KAZN: variants seen among roughly 807,000 people sequenced by gnomAD.
KAZN encodes kazrin.
KAZN carries 40 observed loss-of-function variants against 87.4 expected under a neutral mutation model. The ratio of observed to expected loss-of-function variants is 0.46; its 90% CI spans 0.36 to 0.60. The LOEUF (loss-of-function observed/expected upper bound fraction) is 0.60. KAZN is among the 20% of genes least tolerant of loss of function. KAZN has a pLI of 0.00. For synonymous variants in KAZN, 466 were observed against 458.3 expected (o/e 1.02, Z -0.22); for missense variants, 898 against 1,073.9 (o/e 0.84, Z 2.29).
intron 1 of KAZN, among the ~76,000 whole-genome samples, chr1:14,119,921 G>A (rs964405145): frequency 3.4e-5 from 5 of 146,050 alleles, no homozygotes; most frequent in East Asian, 2.1e-4. Flanking sequence ...TTATGTGTAC[G>A]ATCTATTTGG....
chr1:14,876,036 T>G (rs188206367), intron 1 of KAZN, among the ~76,000 whole-genome samples: 1 of 152,254 alleles, frequency 6.6e-6, no homozygotes, highest in African/African-American at 2.4e-5. Flanking sequence ...ATGGAGAGAT[T>G]AAAAGCAGTT....
intron 2 of KAZN, among the ~76,000 whole-genome samples, chr1:14,453,016 C>T (rs190686792): frequency 1.3e-3 from 191 of 152,164 alleles, no homozygotes; most frequent in African/African-American, 4.1e-3. Flanking sequence ...AGTGCAGTGG[C>T]GCAATCTCGG....
chr1:14,095,986 T>A (rs919099722), intron 1 of KAZN, among the ~76,000 whole-genome samples: 5 of 152,162 alleles, frequency 3.3e-5, no homozygotes, highest in Admixed American at 2.6e-4. Flanking sequence ...TCTGAAAGGA[T>A]GCATATCAAT....
At chr1:15,071,155 A>AAAG (rs1286094303) in intron 8 of KAZN, among the ~76,000 whole-genome samples, 2 of 152,376 alleles carry the variant, frequency 1.3e-5, no homozygotes, top group African/African-American at 4.8e-5. Context: ...TTTAAATATC[A>AAAG]AAGTTATGGC....
At chr1:13,966,922 A>G (rs187814750) in intron 1 of KAZN, among the ~76,000 whole-genome samples, 1 of 152,286 alleles carries the variant, frequency 6.6e-6, no homozygotes, top group East Asian at 1.9e-4. Flanking sequence ...ATGGTTTACC[A>G]TACAGTACTA....
intron 1 of KAZN, among the ~76,000 whole-genome samples, chr1:14,149,081 T>G (rs1325884729): frequency 8.3e-6 from 1 of 120,744 alleles, no homozygotes; most frequent in African/African-American, 3.3e-5. Flanking sequence ...CTTCCTTCCT[T>G]CCTTCCTTCC....
chr1:15,048,754 G>A (rs948147668), intron 4 of KAZN, among the ~76,000 whole-genome samples: 2 of 147,812 alleles, frequency 1.4e-5, no homozygotes, highest in African/African-American at 2.6e-5. Flanking sequence ...CTGGGTCGTC[G>A]ATCCTGGGTC....
chr1:14,386,714 T>TTTAC (rs1661931019), intron 2 of KAZN, among the ~76,000 whole-genome samples: 1 of 152,094 alleles, frequency 6.6e-6, no homozygotes, highest in African/African-American at 2.4e-5. Flanking sequence ...CCTTTGAGGG[T>TTTAC]AACATGACCT....
chr1:14,937,047 C>T (rs1006066425), intron 1 of KAZN, among the ~76,000 whole-genome samples: 1 of 152,256 alleles, frequency 6.6e-6, no homozygotes. Context: ...GGCCCCCAAC[C>T]TTTCTGTGAG....
intron 1 of KAZN, among the ~76,000 whole-genome samples, chr1:14,805,401 G>T (rs1049000856): frequency 2.6e-5 from 4 of 152,162 alleles, no homozygotes; most frequent in African/African-American, 9.7e-5. Context: ...AGCTCCACCA[G>T]TCGTTTTCCA....
chr1:13,941,152 A>C (rs991503488), intron 1 of KAZN, among the ~76,000 whole-genome samples: 1 of 152,098 alleles, frequency 6.6e-6, no homozygotes, highest in Non-Finnish European at 1.5e-5. Flanking sequence ...CCAAGATCGC[A>C]CCACTGCACT....
intron 1 of KAZN, among the ~76,000 whole-genome samples, chr1:14,632,826 C>T (rs551425010): frequency 2.0e-5 from 3 of 152,172 alleles, no homozygotes; most frequent in South Asian, 2.1e-4. Context: ...AGGTGTGGAC[C>T]GTGGCGTGAC....
intron 1 of KAZN, among the ~76,000 whole-genome samples, chr1:14,920,311 C>T (rs1440193887): frequency 7.9e-6 from 1 of 126,594 alleles, no homozygotes; most frequent in African/African-American, 2.9e-5. Flanking sequence ...GGCGCCCTGT[C>T]CAGCCTGAGG....
At chr1:14,549,594 G>A (rs575473789) in intron 2 of KAZN, among the ~76,000 whole-genome samples, 18 of 150,730 alleles carry the variant, frequency 1.2e-4, no homozygotes, top group Non-Finnish European at 2.5e-4. Flanking sequence ...ACTGTGGTTA[G>A]GAGTTCTCCA....
At position 14,186,880 on chromosome 1, in the gene KAZN, C is replaced by T. The variant is rs1335639252; in HGVS notation, c.249+6288C>T. Among the ~76,000 whole-genome samples the T allele has an allele frequency of 3.3e-5, 5 of 152,106 alleles. No individual in the cohort carries two copies. In the South Asian group the frequency reaches 1.0e-3, roughly 32 times the overall value. On this transcript the variant is annotated intron_variant, in intron 2 of 16. Coordinates refer to the KAZN transcript ENST00000636203. ...AACTTTACCCCTAACTCTCCTCCCC[C>T]ACCAGAGGGGTTCAGGATTAGATGG...
chr1:14,056,097 C>G (rs1557438432), intron 1 of KAZN, among the ~76,000 whole-genome samples: 1 of 152,224 alleles, frequency 6.6e-6, no homozygotes, highest in Non-Finnish European at 1.5e-5. Flanking sequence ...GCCTTTTCAC[C>G]TAGGAGGCAA....
intron 1 of KAZN, among the ~76,000 whole-genome samples, chr1:14,877,610 C>A (rs1009064681): frequency 6.6e-6 from 1 of 152,182 alleles, no homozygotes; most frequent in Admixed American, 6.5e-5. Flanking sequence ...AGCTTGGGTT[C>A]AAGTCCTGGC....
At chr1:14,555,558 C>T (rs1468855064) in intron 2 of KAZN, among the ~76,000 whole-genome samples, 1 of 152,132 alleles carries the variant, frequency 6.6e-6, no homozygotes, top group Non-Finnish European at 1.5e-5. Context: ...ATATTTTTGA[C>T]ATCCCTGGAG....
intron 8 of KAZN, among the ~76,000 whole-genome samples, chr1:15,076,188 A>G (rs1286626250): frequency 6.6e-6 from 1 of 152,174 alleles, no homozygotes; most frequent in East Asian, 1.9e-4. Context: ...GAGGAACTTG[A>G]GGGCCTGTCC....
Sources: allele counts gnomAD v4.1 joint callset (sites outside exome capture counted in the v4.1 genomes callset), GRCh38; gene constraint gnomAD v4.1.1; transcripts MANE v1.5; gene names NCBI Gene and HGNC (gene_info 2026-07-23, HGNC 2026-07-21).